Variants in TMCC1 observed in about 807,000 individuals in gnomAD.
The protein encoded by TMCC1 is transmembrane and coiled-coil domain family 1.
A neutral mutation model predicts 52.4 loss-of-function variants in TMCC1; 15 were observed. The ratio of observed to expected loss-of-function variants is 0.29; its 90% CI spans 0.19 to 0.44. The LOEUF (loss-of-function observed/expected upper bound fraction) is 0.44. Among genes scored for constraint, TMCC1 ranks in the 20% least tolerant of loss-of-function variants. The pLI, the probability that TMCC1 is intolerant of heterozygous loss-of-function variation, is 1.00. For missense variants in TMCC1, 503 were observed against 806.0 expected (o/e 0.62, Z 4.55); for synonymous variants, 279 against 301.9 (o/e 0.92, Z 0.79).
rs147880030 is a variant in TMCC1 at position 129,877,690 on chromosome 3, G to A, written c.-184+2619C>T. ...ATGACCCAGGCTGGAGTGCAGTGGC[G>A]CAATCTTGGCTCATTGCAACCTCCA... On this transcript the variant is annotated intron_variant, in intron 2 of 6. Coordinates refer to ENST00000393238, the MANE Select transcript of TMCC1 (RefSeq NM_001017395.5). Among the ~76,000 whole-genome samples the A allele has an allele frequency of 3.4e-5, 5 of 147,082 alleles. No individual in the cohort carries two copies. In the East Asian group the frequency reaches 6.1e-4, roughly 18 times the overall value.
chr3:129,659,815 C>T (rs1265781423), intron 5 of TMCC1, among the ~76,000 whole-genome samples: 1 of 152,192 alleles, frequency 6.6e-6, no homozygotes, highest in Non-Finnish European at 1.5e-5. Context: ...AATGCATGTG[C>T]TCAGTCCAGG....
intron 4 of TMCC1, among the ~76,000 whole-genome samples, chr3:129,759,981 A>G (rs1043847346): frequency 4.6e-5 from 7 of 151,846 alleles, no homozygotes; most frequent in African/African-American, 1.7e-4. Flanking sequence ...TCGGCCTCCC[A>G]AAGTGCTAGG....
chr3:129,827,146 C>T (rs917308758), intron 4 of TMCC1, among the ~76,000 whole-genome samples: 10 of 152,212 alleles, frequency 6.6e-5, no homozygotes, highest in African/African-American at 9.6e-5. Flanking sequence ...CATGGCTACG[C>T]GTACCTGAGT....
intron 4 of TMCC1, among the ~76,000 whole-genome samples, chr3:129,751,329 G>C (rs1023754552): frequency 2.0e-5 from 3 of 152,012 alleles, no homozygotes; most frequent in Admixed American, 2.0e-4. Context: ...CAGGAATTCA[G>C]GACAAGCCTG....
chr3:129,855,993 A>G (rs2060131325), intron 2 of TMCC1, among the ~76,000 whole-genome samples: 3 of 148,072 alleles, frequency 2.0e-5, no homozygotes, highest in Admixed American at 2.0e-4. Flanking sequence ...TGACTCAGCA[A>G]GAAAGTTTAG....
intron 2 of TMCC1, among the ~76,000 whole-genome samples, chr3:129,857,737 A>AC (rs1553893378): frequency 2.0e-5 from 3 of 151,362 alleles, no homozygotes; most frequent in Non-Finnish European, 4.4e-5. Context: ...AATTTTTTGT[A>AC]TTTTTTTAGT....
intron 4 of TMCC1, chr3:129,818,937 G>A (rs1365308443): frequency 6.5e-6 from 1 of 152,900 alleles, no homozygotes; most frequent in Non-Finnish European, 1.5e-5. Flanking sequence ...GTTGAGGCTG[G>A]TCCAAGTGCA....
At chr3:129,771,888 G>A (rs2054612687) in intron 4 of TMCC1, among the ~76,000 whole-genome samples, 1 of 151,532 alleles carries the variant, frequency 6.6e-6, no homozygotes, top group Non-Finnish European at 1.5e-5. Context: ...TAGTTAGAAA[G>A]CTACCTTAAT....
chr3:129,713,436 T>A (rs1175901595), intron 4 of TMCC1, among the ~76,000 whole-genome samples: 1 of 152,114 alleles, frequency 6.6e-6, no homozygotes, highest in East Asian at 1.9e-4. Context: ...TGATAAAACA[T>A]ATAAATGATA....
intron 4 of TMCC1, among the ~76,000 whole-genome samples, chr3:129,673,668 TGG>T (rs2088152799): frequency 6.6e-6 from 1 of 152,114 alleles, no homozygotes; most frequent in Non-Finnish European, 1.5e-5. Flanking sequence ...CTGGGCAACA[TGG>T]GGAAACCCCA....
At chr3:129,882,685 C>T (rs540181606) in intron 1 of TMCC1, among the ~76,000 whole-genome samples, 66 of 152,278 alleles carry the variant, frequency 4.3e-4, no homozygotes, top group African/African-American at 1.6e-3. Context: ...GAATACTATG[C>T]AGTCTTAAAA....
At chr3:129,864,126 A>G (rs972674680) in intron 2 of TMCC1, among the ~76,000 whole-genome samples, 3 of 152,308 alleles carry the variant, frequency 2.0e-5, no homozygotes, top group South Asian at 4.1e-4. Flanking sequence ...ACTTTTTACT[A>G]TATTTTCCCT....
intron 4 of TMCC1, among the ~76,000 whole-genome samples, chr3:129,722,138 T>C (rs1329634392): frequency 2.0e-5 from 3 of 152,114 alleles, no homozygotes; most frequent in Admixed American, 6.5e-5. Context: ...CCCCAACCCC[T>C]GGGCCGCAGA....
chr3:129,715,074 C>T (rs1010042328), intron 4 of TMCC1, among the ~76,000 whole-genome samples: 20 of 152,162 alleles, frequency 1.3e-4, no homozygotes, highest in Non-Finnish European at 2.9e-4. Context: ...TGAAGATGCA[C>T]ACATACAGTT....
At chr3:129,708,257 T>A (rs2048391381) in intron 4 of TMCC1, among the ~76,000 whole-genome samples, 1 of 152,210 alleles carries the variant, frequency 6.6e-6, no homozygotes, top group Non-Finnish European at 1.5e-5. Context: ...ATTTCTGATA[T>A]AATATTCTAA....
At chr3:129,740,850 C>A (rs562895257) in intron 4 of TMCC1, among the ~76,000 whole-genome samples, 1 of 152,122 alleles carries the variant, frequency 6.6e-6, no homozygotes, top group Non-Finnish European at 1.5e-5. Context: ...TTCTAGCACA[C>A]GTACAGATAA....
intron 4 of TMCC1, among the ~76,000 whole-genome samples, chr3:129,778,713 T>C (rs1263960134): frequency 6.6e-6 from 1 of 150,688 alleles, no homozygotes; most frequent in Non-Finnish European, 1.5e-5. Flanking sequence ...CTCATGATAG[T>C]GAGTTCTCAC....
intron 6 of TMCC1, among the ~76,000 whole-genome samples, chr3:129,652,748 G>A (rs548057884): frequency 1.4e-4 from 22 of 152,222 alleles, no homozygotes; most frequent in Non-Finnish European, 2.5e-4. Context: ...TCTTTCAACC[G>A]ACTGCCAGCT....
intron 3 of TMCC1, among the ~76,000 whole-genome samples, chr3:129,829,113 G>T (rs1414926924): frequency 6.6e-6 from 1 of 152,226 alleles, no homozygotes; most frequent in Non-Finnish European, 1.5e-5. Flanking sequence ...TAAAAATCCT[G>T]TAAGTTGAAT....
Sources: gnomAD v4.1 joint callset for allele counts (sites outside exome capture counted in the v4.1 genomes callset) on GRCh38, gnomAD v4.1.1 for gene constraint, MANE v1.5 for transcripts, NCBI Gene and HGNC (gene_info 2026-07-23, HGNC 2026-07-21) for gene names.